Variants in ZC3H13 observed in about 807,000 individuals in gnomAD.
ZC3H13 encodes the protein zinc finger CCCH domain-containing protein 13.
Under a neutral mutation model 204.1 loss-of-function variants are expected in ZC3H13, and 64 were observed. The ratio of observed to expected loss-of-function variants is 0.31; its 90% CI spans 0.26 to 0.39. The LOEUF is 0.39. ZC3H13 is among the 10% of genes least tolerant of loss of function. The pLI is 1.00. For synonymous variants in ZC3H13, 667 were observed against 693.7 expected, an observed-to-expected ratio of 0.96 and a Z score of 0.60; for missense variants, 1,833 against 2,082.7, an observed-to-expected ratio of 0.88 and a Z score of 2.33.
chr13:45,985,380 T>A lies in ZC3H13; in HGVS notation c.1637A>T (p.Glu546Val). 1 of 1,614,250 alleles carries A rather than the reference T, an allele frequency of 6.2e-7. No homozygotes were observed. The highest frequency in any genetic ancestry group is 8.5e-7 in the Non-Finnish European group (1 of 1,180,038). The change falls in exon 10 of 19, where the codon GAG becomes GTG. Residue 546 changes from glutamate to valine, a missense_variant. Glu to Val is a moderately radical substitution (Grantham distance 121). Around this residue, in one of 5 missense-constraint regions of ZC3H13, gnomAD observed 1,574 missense variants for 1,757.2 expected, o/e 0.90. Coordinates refer to ENST00000679008, the MANE Select transcript of ZC3H13 (RefSeq NM_001330564.2). ...TTCACTTCGAGACTCATTTCTGGAC[T>A]CATTCCTTATTTCCGTACGAGAACT... ...EESSRTEIRN[E>V]SRNESRSEIR...
chr13:45,979,321 A>G (rs1030122478), intron 11 of ZC3H13, among the ~76,000 whole-genome samples: 1 of 152,098 alleles, frequency 6.6e-6, no homozygotes. Context: ...AGCAAATACC[A>G]TATCTTCTCA....
intron 4 of ZC3H13, among the ~76,000 whole-genome samples, chr13:46,040,111 G>GA (rs1297327110): frequency 3.3e-5 from 5 of 152,116 alleles, no homozygotes; most frequent in Non-Finnish European, 5.9e-5. Flanking sequence ...CCCTCAAAAG[G>GA]AATGTTGATA....
intron 4 of ZC3H13, among the ~76,000 whole-genome samples, chr13:46,023,103 G>C (rs1254879930): frequency 1.3e-4 from 20 of 152,280 alleles, no homozygotes; most frequent in Admixed American, 1.2e-3. Context: ...TCAAGGCTAA[G>C]AGAGTTGAGA....
intron 16 of ZC3H13, among the ~76,000 whole-genome samples, chr13:45,964,689 C>T (rs577795614): frequency 6.6e-6 from 1 of 152,012 alleles, no homozygotes; most frequent in Admixed American, 6.6e-5. Context: ...AAAAGATCCT[C>T]ACTGTGATTT....
At chr13:45,985,938 TTAGA>T (rs771315392) in intron 9 of ZC3H13, among the ~76,000 whole-genome samples, 177 bp from the exon 10 acceptor site, 2 of 152,208 alleles carry the variant, frequency 1.3e-5, no homozygotes, top group Non-Finnish European at 2.9e-5. Flanking sequence ...ATGTTCTTCA[TTAGA>T]TAAACTCCGA....
At chr13:46,019,669 T>A (rs969329453) in intron 5 of ZC3H13, among the ~76,000 whole-genome samples, 3 of 152,148 alleles carry the variant, frequency 2.0e-5, no homozygotes, top group African/African-American at 7.2e-5. Flanking sequence ...AAATGCTTAT[T>A]GATGACTCAA....
intron 17 of ZC3H13, chr13:45,962,852 A>ATAC (rs1951791800): frequency 1.0e-6 from 1 of 985,170 alleles, no homozygotes. Flanking sequence ...GTCCCTCCCC[A>ATAC]TTAATAAAGT....
At chr13:46,038,445 T>C (rs1299294157) in intron 4 of ZC3H13, among the ~76,000 whole-genome samples, 1 of 152,218 alleles carries the variant, frequency 6.6e-6, no homozygotes, top group Non-Finnish European at 1.5e-5. Flanking sequence ...AAGTTATCCA[T>C]TTATGAATTT....
At chr13:46,028,662 T>C (rs906224124) in intron 4 of ZC3H13, among the ~76,000 whole-genome samples, 1 of 152,024 alleles carries the variant, frequency 6.6e-6, no homozygotes, top group African/African-American at 2.4e-5. Context: ...ATTAGGAAAA[T>C]CCCCAAATGC....
In ZC3H13 at chr13:45,980,048, A is replaced by T. The variant is rs183992820; in HGVS notation, c.1721-44T>A. 185 of 1,503,986 alleles carry T rather than the reference A, an allele frequency of 1.2e-4. 1 individual carries two copies. In the Admixed American group the frequency reaches 4.1e-3, roughly 34 times the overall value. 93.2% of individuals were successfully genotyped at this position (1,503,986 alleles called of 1,614,324 possible). ...CACAAATGTTTACCACATACACTTT[A>T]TTCAACAAATTTCATCAGTCATAAT... On this transcript the variant is annotated intron_variant, in intron 10 of 18. Transcript: ENST00000679008.
intron 9 of ZC3H13, among the ~76,000 whole-genome samples, chr13:45,986,054 A>G (rs1954161425): frequency 6.6e-6 from 1 of 152,200 alleles, no homozygotes; most frequent in East Asian, 1.9e-4. Flanking sequence ...CCTATCATTG[A>G]CGGCTTACTT....
intron 4 of ZC3H13, among the ~76,000 whole-genome samples, chr13:46,026,334 C>T (rs2042543040): frequency 6.6e-6 from 1 of 151,850 alleles, no homozygotes; most frequent in Non-Finnish European, 1.5e-5. Context: ...TAGTGAAGAG[C>T]AGAAACTATA....
chr13:45,962,254 A>G, intron 17 of ZC3H13: 1 of 985,392 alleles, frequency 1.0e-6, no homozygotes, highest in Non-Finnish European at 1.2e-6. Context: ...CAGCAAAAAT[A>G]GAAGAAGTCT....
rs146970813 is a variant in ZC3H13 at position 45,990,092 on chromosome 13, A to T, written c.945-995T>A. On this transcript the variant is annotated intron_variant, in intron 8 of 18. Transcript: ENST00000679008. ...AATTCTAAACCAGTTTCTCAACCCT[A>T]GCACTACTGACATTTTGTACTGGGT... Among the ~76,000 whole-genome samples the T allele has an allele frequency of 3.5e-3, 540 of 152,284 alleles. 1 individual carries two copies. The highest frequency in any genetic ancestry group is 0.01 in the African/African-American group (421 of 41,554).
In ZC3H13 at chr13:45,965,382, C is replaced by A; in HGVS notation, c.4372G>T (p.Ala1458Ser). The A allele has an allele frequency of 6.2e-7, 1 of 1,613,734 alleles. No individual in the cohort carries two copies. The highest frequency in any genetic ancestry group is 1.3e-5 in the African/African-American group (1 of 74,994). The change falls in exon 16 of 19, where the codon GCT becomes TCT. Residue 1458 changes from alanine to serine, a missense_variant. Ala to Ser is a moderately conservative substitution (Grantham distance 99). Transcript: ENST00000679008. ...CTGATTGGCTCGTATCCTTCTCCAGCACCAGAGCCTAATGAATGTGCATCA... is the reference window on the plus strand; with the variant it reads ...CTGATTGGCTCGTATCCTTCTCCAGAACCAGAGCCTAATGAATGTGCATCA... ...LDDAHSLGSG[A>S]GEGYEPISDD...
At chr13:45,966,651 C>T (rs1952111063) in intron 15 of ZC3H13, among the ~76,000 whole-genome samples, 1 of 151,982 alleles carries the variant, frequency 6.6e-6, no homozygotes, top group African/African-American at 2.4e-5. Context: ...TCAATTATAT[C>T]CCAGGGTTGT....
intron 2 of ZC3H13, 27 bp downstream of exon 2, chr13:46,045,364 C>CCTGTGA: frequency 6.5e-7 from 1 of 1,534,216 alleles, no homozygotes. Context: ...TAAGAGAACC[C>CCTGTGA]CTGTGACTAT....
intron 11 of ZC3H13, 94 bp downstream of exon 11, chr13:45,979,719 T>C (rs772358345): frequency 3.2e-6 from 4 of 1,236,384 alleles, no homozygotes; most frequent in Admixed American, 2.5e-5. Context: ...CCTTAAAGTA[T>C]ATTTTATATT....
At chr13:46,039,256 TG>T (rs955666212) in intron 4 of ZC3H13, among the ~76,000 whole-genome samples, 31 of 152,298 alleles carry the variant, frequency 2.0e-4, no homozygotes, top group African/African-American at 7.5e-4. Flanking sequence ...CTTTATTTGA[TG>T]AACATAAAAA....
Sources: allele counts gnomAD v4.1 joint callset (sites outside exome capture counted in the v4.1 genomes callset), GRCh38; gene constraint gnomAD v4.1.1; regional missense constraint gnomAD v4.1.1; transcripts MANE v1.5; gene names NCBI Gene and HGNC (gene_info 2026-07-23, HGNC 2026-07-21).